Variants in ZNF385D observed in about 807,000 individuals in gnomAD.
ZNF385D encodes zinc finger protein 659.
Under a neutral mutation model 35.8 loss-of-function variants are expected in ZNF385D, and 15 were observed. That is an observed-to-expected ratio of 0.42 (90% CI 0.28 to 0.64). ZNF385D has a LOEUF of 0.64. Among genes scored for constraint, ZNF385D ranks in the 30% least tolerant of loss-of-function variants. The pLI is 0.23. For synonymous variants in ZNF385D, 212 were observed against 186.8 expected (o/e 1.13, Z -1.10); for missense variants, 474 against 494.6 (o/e 0.96, Z 0.39).
At chr3:21,695,808 A>G (rs1273795760) in intron 1 of ZNF385D, among the ~76,000 whole-genome samples, 1 of 151,876 alleles carries the variant, frequency 6.6e-6, no homozygotes, top group East Asian at 1.9e-4. Context: ...TCCTTTAAAA[A>G]GCATTCCCTT....
At position 21,623,671 on chromosome 3, in the gene ZNF385D, AC is replaced by A. The variant is rs2065064073; in HGVS notation, c.165+41214del. On this transcript the variant is annotated intron_variant, in intron 2 of 7. Transcript: ENST00000281523. Reference sequence around the variant, plus strand: ...AAAGACCCTGTGTCTTAAAACAAAAACAAAAAAACAAAAAACCACAATGTCT... The same window carrying A: ...AAAGACCCTGTGTCTTAAAACAAAAAAAAAAAACAAAAAACCACAATGTCT... Among the ~76,000 whole-genome samples, 3 of 152,010 alleles carry A rather than the reference AC, an allele frequency of 2.0e-5. No individual in the cohort carries two copies. The South Asian group carries it at 6.2e-4, about 32-fold the overall frequency.
rs148011970 is a variant in ZNF385D at position 22,171,482 on chromosome 3, G to A, written c.107-2447C>T. On this transcript the variant is annotated intron_variant, in intron 2 of 5. Coordinates refer to the ZNF385D transcript ENST00000494108. ...TCAACAATTAATTTTGTACTAAGTT[G>A]CAAAAATGACAACTTTAAAAGGAAA... Among the ~76,000 whole-genome samples the A allele has an allele frequency of 2.2e-3, 333 of 152,188 alleles. 5 individuals carry two copies. The highest frequency in any genetic ancestry group is 7.4e-3 in the African/African-American group (307 of 41,522).
chr3:21,848,924 C>T (rs1156858607), intron 3 of ZNF385D, among the ~76,000 whole-genome samples: 1 of 152,066 alleles, frequency 6.6e-6, no homozygotes, highest in Non-Finnish European at 1.5e-5. Flanking sequence ...TATCTTAGAA[C>T]ATAGCCATCA....
At chr3:22,174,658 G>T (rs1216242997) in intron 2 of ZNF385D, among the ~76,000 whole-genome samples, 1 of 151,992 alleles carries the variant, frequency 6.6e-6, no homozygotes, top group African/African-American at 2.4e-5. Flanking sequence ...ATCTTGATAT[G>T]ATAATATCTC....
intron 2 of ZNF385D, among the ~76,000 whole-genome samples, chr3:22,269,076 C>T (rs1446307467): frequency 1.3e-5 from 2 of 151,878 alleles, no homozygotes; most frequent in Non-Finnish European, 2.9e-5. Context: ...TTCTTGTCAT[C>T]AGTAAATAAA....
Position 21,510,892 on chromosome 3 carries a change from G to T in ZNF385D, c.408C>A (p.Thr136=), listed in dbSNP as rs200837695. The change falls in exon 4 of 8, where the codon ACC becomes ACA. Residue 136 remains threonine (T), a synonymous_variant. Coordinates refer to ENST00000281523, the MANE Select transcript of ZNF385D (RefSeq NM_024697.3). ...SAKTTFTSIT[T]NTINTSSDKT... ...TGTCAGAGCTGGTATTGATGGTATT[G>T]GTAGTGATGGAGGTGAAGGTAGTCT... The T allele has an allele frequency of 1.1e-5, 17 of 1,614,090 alleles. No individual in the cohort carries two copies. Among genetic ancestry groups the T allele is most frequent in the African/African-American group, 5.3e-5 (4 of 75,040 alleles).
intron 1 of ZNF385D, among the ~76,000 whole-genome samples, chr3:21,694,030 C>T (rs953875378): frequency 1.7e-5 from 1 of 57,182 alleles, no homozygotes; most frequent in Non-Finnish European, 3.9e-5. Flanking sequence ...AGGCGCGTGC[C>T]ACTACGCCTG....
intron 3 of ZNF385D, among the ~76,000 whole-genome samples, chr3:21,554,263 A>G (rs950816409): frequency 2.0e-5 from 3 of 152,244 alleles, no homozygotes; most frequent in African/African-American, 7.2e-5. Context: ...CATAAAAACA[A>G]CATGAATCTT....
intron 3 of ZNF385D, among the ~76,000 whole-genome samples, chr3:22,074,471 A>T (rs1415082720): frequency 1.3e-5 from 2 of 151,974 alleles, no homozygotes; most frequent in African/African-American, 4.8e-5. Flanking sequence ...AATAAATGAT[A>T]GTTGAACATG....
chr3:22,041,265 G>C (rs373424149), intron 3 of ZNF385D, among the ~76,000 whole-genome samples: 1 of 152,066 alleles, frequency 6.6e-6, no homozygotes, highest in Non-Finnish European at 1.5e-5. Flanking sequence ...CTCTGAAATA[G>C]GCCATGTGTT....
intron 4 of ZNF385D, among the ~76,000 whole-genome samples, chr3:21,499,034 T>G (rs1323353573): frequency 6.8e-6 from 1 of 148,092 alleles, no homozygotes; most frequent in African/African-American, 2.5e-5. Context: ...TTGGTGGGAG[T>G]GTAAACTAGT....
At chr3:22,092,348 T>G (rs941302666) in intron 3 of ZNF385D, among the ~76,000 whole-genome samples, 4 of 152,162 alleles carry the variant, frequency 2.6e-5, no homozygotes, top group African/African-American at 9.7e-5. Flanking sequence ...ACAGCTTGTT[T>G]CTACAAAGCC....
chr3:22,267,471 T>A (rs1700954580), intron 2 of ZNF385D, among the ~76,000 whole-genome samples: 1 of 151,922 alleles, frequency 6.6e-6, no homozygotes. Flanking sequence ...TATATTTTTA[T>A]TATTTTGAAA....
rs551723078 is a variant in ZNF385D at position 21,443,393 on chromosome 3, T to C, written c.440-6190A>G. On this transcript the variant is annotated intron_variant, in intron 4 of 7. Coordinates refer to ENST00000281523, the MANE Select transcript of ZNF385D (RefSeq NM_024697.3). ...ATATATGGCATATAGTCTCCATTTG[T>C]ATGCTCGGTCCTGAAAATTTTGGGG... is the stretch of plus-strand genomic sequence containing the variant. 1.5e-5 allele frequency: 15 copies of C among 980,588 alleles called. No homozygotes were observed. In the African/African-American group the frequency reaches 2.4e-4, roughly 16 times the overall value. The allele number at this position is 980,588 out of a possible 1,614,324, so 60.7% of individuals were successfully genotyped here. A position where few individuals can be genotyped will look rare whatever the true frequency, so the allele number is the denominator to read the frequency against.
At chr3:22,338,659 A>C (rs1695279228) in intron 2 of ZNF385D, among the ~76,000 whole-genome samples, 1 of 152,148 alleles carries the variant, frequency 6.6e-6, no homozygotes, top group South Asian at 2.1e-4. Flanking sequence ...ATTATAAATA[A>C]AAAAGTAAAG....
intron 3 of ZNF385D, among the ~76,000 whole-genome samples, chr3:22,023,494 C>CA (rs371487718): frequency 1.3e-3 from 203 of 152,218 alleles, no homozygotes; most frequent in African/African-American, 4.6e-3. Flanking sequence ...AGTTTTACAT[C>CA]AAAACCCATC....
intron 3 of ZNF385D, among the ~76,000 whole-genome samples, chr3:22,164,639 T>C (rs112039867): frequency 3.3e-5 from 5 of 151,232 alleles, no homozygotes; most frequent in African/African-American, 1.2e-4. Context: ...AAACCACTTA[T>C]AGTTTTTCTT....
At chr3:21,587,059 A>G (rs1367902840) in intron 2 of ZNF385D, among the ~76,000 whole-genome samples, 1 of 152,176 alleles carries the variant, frequency 6.6e-6, no homozygotes, top group African/African-American at 2.4e-5. Context: ...GTAAACGTTT[A>G]AAATTTTGGT....
intron 3 of ZNF385D, among the ~76,000 whole-genome samples, chr3:21,553,647 G>A (rs2062637151): frequency 6.6e-6 from 1 of 152,134 alleles, no homozygotes; most frequent in African/African-American, 2.4e-5. Context: ...ATAAAATGCT[G>A]TTTGATAGCA....
Sources: gnomAD v4.1 joint callset for allele counts (sites outside exome capture counted in the v4.1 genomes callset) on GRCh38, gnomAD v4.1.1 for gene constraint, MANE v1.5 for transcripts, NCBI Gene and HGNC (gene_info 2026-07-23, HGNC 2026-07-21) for gene names.